ACTR3C: variants seen among roughly 807,000 people sequenced by gnomAD.
The protein encoded by ACTR3C is actin related protein 3C.
ACTR3C carries 18 observed loss-of-function variants against 26.3 expected under a neutral mutation model. The observed-to-expected ratio is 0.68, with a 90% CI of 0.47 to 1.01. The LOEUF is 1.01. ACTR3C is among the 50% of genes least tolerant of loss of function. The pLI, the probability that ACTR3C is intolerant of heterozygous loss-of-function variation, is 0.00. For synonymous variants in ACTR3C, 55 were observed against 94.5 expected, an observed-to-expected ratio of 0.58 and a Z score of 2.42; for missense variants, 184 against 250.7, an observed-to-expected ratio of 0.73 and a Z score of 1.80.
At chr7:150,164,878 A>G in the ACTR3C span, among the ~76,000 whole-genome samples, 2 of 152,200 alleles carry the variant, frequency 1.3e-5, no homozygotes, top group Non-Finnish European at 2.9e-5. Flanking sequence ...GTGACTCGTT[A>G]TAGGGAGAAT....
At chr7:150,075,992 A>G in the ACTR3C span, among the ~76,000 whole-genome samples, 4 of 152,284 alleles carry the variant, frequency 2.6e-5, no homozygotes, top group Non-Finnish European at 1.5e-5. Context: ...ACATTATGCA[A>G]TCATAACATA....
At chr7:150,005,946 T>C in the ACTR3C span, among the ~76,000 whole-genome samples, 811 of 152,238 alleles carry the variant, frequency 5.3e-3, 2 homozygotes, top group Non-Finnish European at 8.6e-3. Context: ...AAGCTATAAG[T>C]CTGCTCAACA....
the ACTR3C span, among the ~76,000 whole-genome samples, chr7:149,902,166 T>A: frequency 2.0e-5 from 3 of 152,210 alleles, no homozygotes; most frequent in East Asian, 1.9e-4. Context: ...ACAATAGTAA[T>A]TTTTTTAATC....
intron 6 of ACTR3C, chr7:150,264,428 G>A (rs1833876677): frequency 9.4e-6 from 3 of 320,816 alleles, no homozygotes; most frequent in Non-Finnish European, 1.3e-5. Flanking sequence ...AGGTGCTTCT[G>A]GAGAAGTTAG....
chr7:149,944,049 CT>C, the ACTR3C span, among the ~76,000 whole-genome samples: 1 of 137,308 alleles, frequency 7.3e-6, no homozygotes, highest in African/African-American at 3.4e-5. Flanking sequence ...AGTCTTCCAA[CT>C]CTGGCAAGTC....
the ACTR3C span, among the ~76,000 whole-genome samples, chr7:149,915,824 A>C: frequency 1.3e-5 from 2 of 150,672 alleles, no homozygotes; most frequent in Admixed American, 6.6e-5. Context: ...TACACACACA[A>C]AAATGTTCGG....
At chr7:149,955,459 C>T in the ACTR3C span, among the ~76,000 whole-genome samples, 2 of 152,188 alleles carry the variant, frequency 1.3e-5, no homozygotes, top group East Asian at 1.9e-4. Flanking sequence ...CAAGACAGAA[C>T]TGAAACCCTG....
the ACTR3C span, among the ~76,000 whole-genome samples, chr7:150,124,077 T>A: frequency 6.6e-6 from 1 of 152,148 alleles, no homozygotes; most frequent in Non-Finnish European, 1.5e-5. Flanking sequence ...CACTCCCTCC[T>A]TTTATGTCAG....
At chr7:149,951,622 A>G in the ACTR3C span, among the ~76,000 whole-genome samples, 1 of 152,046 alleles carries the variant, frequency 6.6e-6, no homozygotes, top group Non-Finnish European at 1.5e-5. Flanking sequence ...GAGGCCATCC[A>G]AAGTCTCTCT....
At chr7:150,323,328 T>C (rs1161984645) in intron 1 of ACTR3C, 141 bp downstream of exon 1, 1 of 272,092 alleles carries the variant, frequency 3.7e-6, no homozygotes, top group Admixed American at 5.9e-5. Context: ...CTACGGCCTT[T>C]GGCCAGGCCC....
the ACTR3C span, among the ~76,000 whole-genome samples, chr7:150,147,249 A>G: frequency 6.6e-6 from 1 of 152,238 alleles, no homozygotes; most frequent in African/African-American, 2.4e-5. Flanking sequence ...ATTTTATATT[A>G]CTAAACTTTT....
the ACTR3C span, among the ~76,000 whole-genome samples, chr7:150,203,041 G>A: frequency 6.6e-6 from 1 of 152,218 alleles, no homozygotes; most frequent in South Asian, 2.1e-4. Context: ...AAATTATTTA[G>A]TACGTTACAT....
chr7:150,050,256 A>G, the ACTR3C span, among the ~76,000 whole-genome samples: 1 of 152,254 alleles, frequency 6.6e-6, no homozygotes, highest in Non-Finnish European at 1.5e-5. Flanking sequence ...GCATATTTTT[A>G]CACAAACTAA....
chr7:150,088,828 T>C, the ACTR3C span, among the ~76,000 whole-genome samples: 1 of 152,202 alleles, frequency 6.6e-6, no homozygotes, highest in African/African-American at 2.4e-5. Context: ...GTCTGTGAAA[T>C]GAAGAATGGA....
the ACTR3C span, among the ~76,000 whole-genome samples, chr7:149,919,677 C>T: frequency 0.53 from 75,511 of 141,452 alleles, 15,504 homozygotes; most frequent in South Asian, 0.65. Flanking sequence ...ATCTCAGGTG[C>T]AACAGTCTTA....
At chr7:150,131,271 CTT>C in the ACTR3C span, among the ~76,000 whole-genome samples, 2,887 of 151,820 alleles carry the variant, frequency 0.019, 46 homozygotes, top group Non-Finnish European at 0.029. Flanking sequence ...ACTTAGGTAA[CTT>C]TCTGTCAAAG....
At chr7:150,201,377 T>C in the ACTR3C span, among the ~76,000 whole-genome samples, 1 of 152,222 alleles carries the variant, frequency 6.6e-6, no homozygotes, top group Admixed American at 6.5e-5. Flanking sequence ...TAAAAATGTG[T>C]GGCATTTGAG....
the ACTR3C span, among the ~76,000 whole-genome samples, chr7:149,984,469 A>C: frequency 2.6e-5 from 4 of 151,626 alleles, no homozygotes; most frequent in Admixed American, 6.6e-5. Flanking sequence ...CTCCCAAAAT[A>C]CTGGGATTAA....
chr7:150,127,249 T>C, the ACTR3C span, among the ~76,000 whole-genome samples: 73 of 150,532 alleles, frequency 4.8e-4, no homozygotes, highest in African/African-American at 1.8e-3. Flanking sequence ...CCACCCCTAT[T>C]GCCTGACCCA....
Sources: allele counts gnomAD v4.1 joint callset (sites outside exome capture counted in the v4.1 genomes callset), GRCh38; gene constraint gnomAD v4.1.1; transcripts MANE v1.5; gene names NCBI Gene and HGNC (gene_info 2026-07-23, HGNC 2026-07-21).